The following TMEM182 variants were observed in gnomAD, a reference collection of about 807,000 sequenced individuals.
The protein encoded by TMEM182 is transmembrane protein 182.
A neutral mutation model predicts 26.8 loss-of-function variants in TMEM182; 20 were observed. The ratio of observed to expected loss-of-function variants is 0.75; its 90% CI spans 0.53 to 1.09. The LOEUF (loss-of-function observed/expected upper bound fraction) is 1.09, where lower values mean the gene tolerates loss of function less well. Among genes scored for constraint, TMEM182 ranks in the 50% least tolerant of loss-of-function variants. The probability of loss-of-function intolerance (pLI) is 0.00; values close to 1 mark genes in which losing one functional copy is unlikely to be tolerated. For missense variants in TMEM182, 277 were observed against 275.5 expected (o/e 1.01, Z -0.04); for synonymous variants, 109 against 102.2 (o/e 1.07, Z -0.40).
At chr2:102,828,046 G>C (rs529707261) in intron 3 of TMEM182, among the ~76,000 whole-genome samples, 1 of 152,114 alleles carries the variant, frequency 6.6e-6, no homozygotes, top group Middle Eastern at 3.2e-3. Flanking sequence ...AGCCGAGATC[G>C]TGCCACTGCA....
intron 3 of TMEM182, among the ~76,000 whole-genome samples, chr2:102,794,042 C>T (rs1201011741): frequency 1.3e-5 from 2 of 152,034 alleles, no homozygotes; most frequent in Non-Finnish European, 2.9e-5. Context: ...TGCACTCCAG[C>T]CTGTATGACA....
In TMEM182 at chr2:102,816,542, A is replaced by T; in HGVS notation, c.*1574A>T. Reference sequence around the variant, plus strand: ...AATAATAATAATAATAATAATAATAATAATAAAGCTCCAGAGGCCTAACTG... The same window carrying T: ...AATAATAATAATAATAATAATAATATTAATAAAGCTCCAGAGGCCTAACTG... On this transcript the variant is annotated 3_prime_UTR_variant, in exon 5 of 5. Transcript: ENST00000412401. The T allele has an allele frequency of 1.0e-6, 1 of 969,494 alleles. No homozygotes were observed. The highest frequency in any genetic ancestry group is 1.2e-6 in the Non-Finnish European group (1 of 816,826). 60.1% of individuals were successfully genotyped at this position (969,494 alleles called of 1,614,324 possible).
intron 3 of TMEM182, among the ~76,000 whole-genome samples, chr2:102,796,841 A>G (rs1476441840): frequency 2.0e-5 from 3 of 152,120 alleles, no homozygotes; most frequent in Non-Finnish European, 4.4e-5. Context: ...ACTCCAGTTG[A>G]TTGATAGATT....
At chr2:102,785,246 C>G (rs1681341011) in intron 3 of TMEM182, among the ~76,000 whole-genome samples, 2 of 152,130 alleles carry the variant, frequency 1.3e-5, no homozygotes, top group African/African-American at 4.8e-5. Flanking sequence ...TCCTCAGTCC[C>G]CTTTCTTCTT....
chr2:102,823,956 G>A (rs923148478), intron 3 of TMEM182, among the ~76,000 whole-genome samples: 1 of 152,196 alleles, frequency 6.6e-6, no homozygotes, highest in South Asian at 2.1e-4. Context: ...CATCATTGAA[G>A]TTATCCATTT....
At chr2:102,821,501 G>A (rs1011979791), downstream of TMEM182, among the ~76,000 whole-genome samples, 1 of 152,158 alleles carries the variant, frequency 6.6e-6, no homozygotes, top group Admixed American at 6.5e-5. Context: ...TCTGCCATGA[G>A]TAAAAGTTCC....
At chr2:102,793,306 A>G (rs1484449408) in intron 3 of TMEM182, among the ~76,000 whole-genome samples, 2 of 152,224 alleles carry the variant, frequency 1.3e-5, no homozygotes, top group East Asian at 3.8e-4. Context: ...GTGATATGGA[A>G]CATGGCCACT....
At chr2:102,738,375 A>G (rs1480513021) in intron 1 of TMEM182, among the ~76,000 whole-genome samples, 1 of 152,188 alleles carries the variant, frequency 6.6e-6, no homozygotes, top group Admixed American at 6.5e-5. Context: ...TGGGCAGATC[A>G]CAAGGTCAAG....
chr2:102,753,700 CCAA>C (rs905584649), intron 1 of TMEM182, among the ~76,000 whole-genome samples: 4 of 152,044 alleles, frequency 2.6e-5, no homozygotes, highest in Admixed American at 6.5e-5. Flanking sequence ...ATAAAAATTC[CCAA>C]CAACTGACTG....
intron 4 of TMEM182, among the ~76,000 whole-genome samples, chr2:102,798,837 C>T (rs984344499): frequency 7.4e-5 from 11 of 149,486 alleles, no homozygotes; most frequent in Admixed American, 2.0e-4. Flanking sequence ...GAGACTTTGT[C>T]TAAAAAAAAA....
rs566387526 is a variant in TMEM182, at chr2:102,824,418, G to A, written c.326-18994G>A. On this transcript the variant is annotated intron_variant, in intron 3 of 3. Coordinates refer to the TMEM182 transcript ENST00000486293. ...CTGGTGGGAGGTGTTTGGACCATGG[G>A]AGTGGACTTCCTCTTTGCTGTTCTC... 3.3e-5 allele frequency among the ~76,000 whole-genome samples: 5 copies of A among 152,252 alleles called. No homozygotes were observed. The East Asian group carries it at 9.6e-4, about 29-fold the overall frequency.
intron 3 of TMEM182, among the ~76,000 whole-genome samples, chr2:102,769,654 A>G (rs1418075326): frequency 6.6e-6 from 1 of 152,190 alleles, no homozygotes; most frequent in Non-Finnish European, 1.5e-5. Flanking sequence ...AAATAATTCT[A>G]TGTATGTAGC....
At chr2:102,770,062 C>A (rs772263127) in intron 3 of TMEM182, among the ~76,000 whole-genome samples, 2 of 152,036 alleles carry the variant, frequency 1.3e-5, no homozygotes, top group African/African-American at 2.4e-5. Flanking sequence ...CAAATATAAT[C>A]TTTAAGGAAA....
chr2:102,829,835 G>T (rs1683117744), intron 3 of TMEM182, among the ~76,000 whole-genome samples: 1 of 152,018 alleles, frequency 6.6e-6, no homozygotes, highest in South Asian at 2.1e-4. Context: ...CACATATTTT[G>T]CTTGACCACT....
upstream of TMEM182, among the ~76,000 whole-genome samples, chr2:102,759,350 G>A (rs867674242): frequency 2.0e-4 from 31 of 152,250 alleles, no homozygotes; most frequent in African/African-American, 6.5e-4. Flanking sequence ...GGGAGGGGGC[G>A]TGTGGGGGAG....
At chr2:102,839,473 T>TATATA in intron 3 of TMEM182, among the ~76,000 whole-genome samples, 1 of 96,980 alleles carries the variant, frequency 1.0e-5, no homozygotes, top group Admixed American at 9.8e-5. Context: ...ATATATATAA[T>TATATA]ATATACACAC....
downstream of TMEM182, among the ~76,000 whole-genome samples, chr2:102,818,688 A>C (rs544750014): frequency 6.6e-6 from 1 of 152,280 alleles, no homozygotes; most frequent in African/African-American, 2.4e-5. Flanking sequence ...GAACTTTATA[A>C]ATGATCTGCT....
In TMEM182 at chr2:102,816,541, A is replaced by C. The variant is rs1558789342; in HGVS notation, c.*1573A>C. ...TAATAATAATAATAATAATAATAAT[A>C]ATAATAAAGCTCCAGAGGCCTAACT... is the stretch of plus-strand genomic sequence containing the variant. On this transcript the variant is annotated 3_prime_UTR_variant, in exon 5 of 5. Transcript: ENST00000412401. The C allele has an allele frequency of 4.1e-6, 4 of 968,550 alleles. No individual in the cohort carries two copies. The highest frequency in any genetic ancestry group is 9.6e-5 in the South Asian group (2 of 20,924). The allele number at this position is 968,550 out of a possible 1,614,324, so 60.0% of individuals were successfully genotyped here.
chr2:102,814,859 C>G lies in TMEM182; in HGVS notation c.581C>G (p.Ser194Cys), dbSNP rs973629737. Residue 194 changes from serine (S) to cysteine (C), a missense_variant, in exon 5 of 5, where the codon TCT becomes TGT. Transcript: ENST00000412401. Reference protein sequence around the residue: ...KMKDCLDFTPSVLYGWSFFLA... With the variant: ...KMKDCLDFTPCVLYGWSFFLA... ...AAGGACTGCCTGGATTTCACCCCTT[C>G]TGTTCTGTATGGCTGGTCATTTTTC... is the stretch of plus-strand genomic sequence containing the variant. 13 of 1,613,968 alleles carry G rather than the reference C, an allele frequency of 8.1e-6. No homozygotes were observed. Among genetic ancestry groups the G allele is most frequent in the Non-Finnish European group, 1.1e-5 (13 of 1,179,970 alleles).
Sources: gnomAD v4.1 joint callset for allele counts (sites outside exome capture counted in the v4.1 genomes callset) on GRCh38, gnomAD v4.1.1 for gene constraint, MANE v1.5 for transcripts, NCBI Gene and HGNC (gene_info 2026-07-23, HGNC 2026-07-21) for gene names.